RALA: variants seen among roughly 807,000 people sequenced by gnomAD.
RALA encodes RAS like proto-oncogene A, also known as ras-related protein Ral-A.
A neutral mutation model predicts 24.0 loss-of-function variants in RALA; 5 were observed. The ratio of observed to expected loss-of-function variants is 0.21; its 90% CI spans 0.11 to 0.44. The LOEUF is 0.44. Among genes scored for constraint, RALA ranks in the 20% least tolerant of loss-of-function variants. The pLI, the probability that RALA is intolerant of heterozygous loss-of-function variation, is 0.99. For missense variants in RALA, 95 were observed against 241.2 expected (o/e 0.39, Z 4.01); for synonymous variants, 77 against 83.8 (o/e 0.92, Z 0.44).
chr7:39,635,505 T>C (rs1791671930), intron 1 of RALA, among the ~76,000 whole-genome samples: 1 of 152,242 alleles, frequency 6.6e-6, no homozygotes, highest in Non-Finnish European at 1.5e-5. Context: ...AGTCCTGATT[T>C]CTTCTGCCCC....
chr7:39,687,243 C>T lies in RALA; in HGVS notation c.114+462C>T, dbSNP rs187272750. Among the ~76,000 whole-genome samples the T allele has an allele frequency of 4.3e-3, 649 of 152,124 alleles. 8 individuals carry two copies. Among genetic ancestry groups the T allele is most frequent in the Middle Eastern group, 0.02 (6 of 294 alleles). On this transcript the variant is annotated intron_variant, in intron 2 of 4. Transcript: ENST00000005257. ...GAGATCGAGACCATCCTGGCTAACA[C>T]GGTGAAACCCCGTCTATACTAAAAA...
intron 1 of RALA, among the ~76,000 whole-genome samples, chr7:39,625,995 T>C (rs1339535602): frequency 6.6e-6 from 1 of 152,216 alleles, no homozygotes; most frequent in Non-Finnish European, 1.5e-5. Context: ...ACAATTACTT[T>C]TAAAATACTG....
At chr7:39,670,010 T>C (rs1792353466) in intron 1 of RALA, among the ~76,000 whole-genome samples, 2 of 152,192 alleles carry the variant, frequency 1.3e-5, no homozygotes. Flanking sequence ...TTCATAAATA[T>C]ATCAATAACA....
chr7:39,693,719 C>A (rs1388720214), intron 3 of RALA, among the ~76,000 whole-genome samples: 4 of 152,202 alleles, frequency 2.6e-5, no homozygotes. Flanking sequence ...TGAAAGTTGA[C>A]ATGGTTTTTG....
intron 1 of RALA, among the ~76,000 whole-genome samples, chr7:39,628,840 C>G (rs1791544115): frequency 6.6e-6 from 1 of 152,168 alleles, no homozygotes; most frequent in South Asian, 2.1e-4. Context: ...CAGGCGTCAG[C>G]AACCATGCCT....
intron 1 of RALA, among the ~76,000 whole-genome samples, chr7:39,669,049 G>C (rs1792334934): frequency 6.6e-6 from 1 of 152,068 alleles, no homozygotes; most frequent in East Asian, 1.9e-4. Flanking sequence ...GGGAGGCAGA[G>C]GTTGCAGTGA....
At chr7:39,696,458 T>G (rs143418970) in intron 3 of RALA, among the ~76,000 whole-genome samples, 1 of 152,306 alleles carries the variant, frequency 6.6e-6, no homozygotes, top group Non-Finnish European at 1.5e-5. Flanking sequence ...TGTGGCAACC[T>G]GGATGGGATC....
chr7:39,677,965 T>C (rs926679888), intron 1 of RALA, among the ~76,000 whole-genome samples: 2 of 147,318 alleles, frequency 1.4e-5, no homozygotes, highest in African/African-American at 5.0e-5. Context: ...CTTTGTCAGA[T>C]GAGTAGGTTG....
intron 4 of RALA, among the ~76,000 whole-genome samples, chr7:39,700,041 A>C (rs1398545575): frequency 2.0e-5 from 3 of 152,164 alleles, no homozygotes; most frequent in African/African-American, 7.2e-5. Flanking sequence ...GCGGGACTTG[A>C]GTAGGTAGAG....
intron 1 of RALA, among the ~76,000 whole-genome samples, chr7:39,672,846 C>T (rs933081193): frequency 1.3e-5 from 2 of 152,092 alleles, no homozygotes; most frequent in African/African-American, 4.8e-5. Flanking sequence ...CAAGAGGAAA[C>T]TTTTTGGGGT....
At chr7:39,698,447 C>T (rs1307972838) in intron 4 of RALA, among the ~76,000 whole-genome samples, 7 of 152,052 alleles carry the variant, frequency 4.6e-5, no homozygotes, top group Non-Finnish European at 2.9e-5. Flanking sequence ...AATGAAATCA[C>T]ATATGTAAAA....
chr7:39,686,863 G>T, intron 2 of RALA, 82 bp downstream of exon 2: 2 of 1,032,312 alleles, frequency 1.9e-6, no homozygotes, highest in Admixed American at 2.2e-5. Flanking sequence ...TATTTTGTAT[G>T]GATTGTTTGA....
chr7:39,669,659 G>T (rs1744656007), intron 1 of RALA, among the ~76,000 whole-genome samples: 1 of 151,888 alleles, frequency 6.6e-6, no homozygotes, highest in African/African-American at 2.4e-5. Context: ...AAAAAAAATA[G>T]AAAAAAATTA....
chr7:39,641,803 AT>A (rs1336325019), intron 1 of RALA, among the ~76,000 whole-genome samples: 1 of 152,220 alleles, frequency 6.6e-6, no homozygotes, highest in Non-Finnish European at 1.5e-5. Flanking sequence ...AAAGGAAATC[AT>A]TTTTATCACT....
intron 1 of RALA, among the ~76,000 whole-genome samples, chr7:39,648,457 A>G (rs1791965401): frequency 6.6e-6 from 1 of 151,404 alleles, no homozygotes; most frequent in South Asian, 2.1e-4. Flanking sequence ...TCTTTCGTCC[A>G]GCAGATATTA....
At chr7:39,705,706 TATA>T (rs1422329009) in intron 4 of RALA, among the ~76,000 whole-genome samples, 3 of 151,796 alleles carry the variant, frequency 2.0e-5, no homozygotes, top group African/African-American at 7.2e-5. Flanking sequence ...AGTTATGAAA[TATA>T]ATCAAATTAT....
chr7:39,674,644 GTATCCTT>G (rs1442076167), intron 1 of RALA, among the ~76,000 whole-genome samples: 8 of 152,130 alleles, frequency 5.3e-5, no homozygotes, highest in African/African-American at 1.9e-4. Context: ...TACAGATTGA[GTATCCTT>G]TATCCTAAGT....
At chr7:39,682,459 A>G (rs73128975) in intron 1 of RALA, among the ~76,000 whole-genome samples, 128 of 152,326 alleles carry the variant, frequency 8.4e-4, no homozygotes, top group Middle Eastern at 6.8e-3. Context: ...AAATTTTACC[A>G]CTATCCTTCT....
intron 1 of RALA, among the ~76,000 whole-genome samples, chr7:39,671,325 G>A (rs1386501389): frequency 1.3e-5 from 2 of 152,124 alleles, no homozygotes; most frequent in East Asian, 3.9e-4. Context: ...ATTTGCTAAT[G>A]CTTTGTCTTT....
Sources: allele counts gnomAD v4.1 joint callset (sites outside exome capture counted in the v4.1 genomes callset), GRCh38; gene constraint gnomAD v4.1.1; transcripts MANE v1.5; gene names NCBI Gene and HGNC (gene_info 2026-07-23, HGNC 2026-07-21).